RBFOX1: variants seen among roughly 807,000 people sequenced by gnomAD.
The protein encoded by RBFOX1 is RNA binding protein fox-1 homolog 1.
A neutral mutation model predicts 57.7 loss-of-function variants in RBFOX1; 8 were observed. That is an observed-to-expected ratio of 0.14 (90% CI 0.08 to 0.25). The LOEUF is 0.25. RBFOX1 is among the 10% of genes least tolerant of loss of function. RBFOX1 has a pLI of 1.00. For synonymous variants in RBFOX1, 326 were observed against 222.4 expected (o/e 1.47, Z -4.15); for missense variants, 611 against 548.5 (o/e 1.11, Z -1.14).
chr16:7,170,836 C>G (rs776955116), intron 4 of RBFOX1, among the ~76,000 whole-genome samples: 2 of 152,168 alleles, frequency 1.3e-5, no homozygotes, highest in Admixed American at 6.5e-5. Flanking sequence ...CAGGAGATCC[C>G]TTGCCCTTAA....
At chr16:5,299,250 G>A (rs2063748566) in intron 1 of RBFOX1, among the ~76,000 whole-genome samples, 2 of 151,762 alleles carry the variant, frequency 1.3e-5, no homozygotes, top group African/African-American at 4.8e-5. Context: ...TCCATACTGT[G>A]TATATCAGTG....
chr16:7,540,857 C>T (rs1374663196), intron 5 of RBFOX1, among the ~76,000 whole-genome samples: 1 of 152,158 alleles, frequency 6.6e-6, no homozygotes, highest in South Asian at 2.1e-4. Context: ...TTATCACTTT[C>T]CTTAAACCCT....
intron 3 of RBFOX1, among the ~76,000 whole-genome samples, chr16:6,800,755 G>A (rs1035554110): frequency 3.9e-5 from 6 of 152,050 alleles, no homozygotes; most frequent in Non-Finnish European, 7.4e-5. Context: ...CAAAGTAAGG[G>A]TCTCTAGAAA....
chr16:7,126,551 A>C (rs940290168), intron 4 of RBFOX1: 4 of 215,892 alleles, frequency 1.9e-5, no homozygotes, highest in Admixed American at 4.3e-5. Flanking sequence ...GTCTTTGGGC[A>C]CGCGCTGGGC....
rs551469323 is a variant in RBFOX1 at position 6,908,432 on chromosome 16, C to T, written c.-15-143625C>T. Among the ~76,000 whole-genome samples, 9 of 146,266 alleles carry T rather than the reference C, an allele frequency of 6.2e-5. No homozygotes were observed. In the South Asian group the frequency reaches 8.4e-4, roughly 14 times the overall value. On this transcript the variant is annotated intron_variant, in intron 3 of 15. Coordinates refer to ENST00000550418, the MANE Select transcript of RBFOX1 (RefSeq NM_018723.4). Reference sequence around the variant, plus strand: ...GAACCTTTGACTTTTCCACTGATACCTCTGGCCTCTGGTGTGACCTCTTCT... The same window carrying T: ...GAACCTTTGACTTTTCCACTGATACTTCTGGCCTCTGGTGTGACCTCTTCT...
Position 5,366,855 on chromosome 16 carries a change from G to A in RBFOX1, c.220-100361G>A, listed in dbSNP as rs2065731313. Among the ~76,000 whole-genome samples, 3 of 152,164 alleles carry A rather than the reference G, an allele frequency of 2.0e-5. No homozygotes were observed. The South Asian group carries it at 6.2e-4, about 32-fold the overall frequency. ...CAAGAATGTGTTGTCCAAAATGCCT[G>A]TTTAGTTTTTAAAGATGGAGCTTCA... On this transcript the variant is annotated intron_variant, in intron 1 of 2. Coordinates refer to the RBFOX1 transcript ENST00000585867.
intron 3 of RBFOX1, among the ~76,000 whole-genome samples, chr16:6,964,871 G>A (rs1264401864): frequency 2.0e-5 from 3 of 152,116 alleles, no homozygotes; most frequent in African/African-American, 7.2e-5. Context: ...GTGTGACCCT[G>A]GGCAAGTCAC....
intron 14 of RBFOX1, among the ~76,000 whole-genome samples, chr16:7,688,430 A>G (rs1486059912): frequency 6.6e-6 from 1 of 152,074 alleles, no homozygotes; most frequent in Non-Finnish European, 1.5e-5. Context: ...ACTTAAAGAC[A>G]GTATTATTTG....
At chr16:6,971,148 T>TA (rs1396282156) in intron 3 of RBFOX1, among the ~76,000 whole-genome samples, 1 of 152,190 alleles carries the variant, frequency 6.6e-6, no homozygotes, top group African/African-American at 2.4e-5. Flanking sequence ...GTGGGTCTAC[T>TA]AATACATAGG....
chr16:6,521,317 A>G (rs761094531), intron 2 of RBFOX1, among the ~76,000 whole-genome samples: 12 of 152,104 alleles, frequency 7.9e-5, no homozygotes, highest in Non-Finnish European at 1.5e-4. Flanking sequence ...GAAGCCCAAG[A>G]CATCCCTGTC....
At chr16:6,358,393 G>A (rs967516735) in intron 2 of RBFOX1, among the ~76,000 whole-genome samples, 2 of 152,098 alleles carry the variant, frequency 1.3e-5, no homozygotes, top group African/African-American at 4.8e-5. Flanking sequence ...CCATTGTCAG[G>A]CCTTGTCTCA....
chr16:7,633,843 C>A (rs2061354495), intron 11 of RBFOX1, among the ~76,000 whole-genome samples: 1 of 152,274 alleles, frequency 6.6e-6, no homozygotes, highest in East Asian at 1.9e-4. Flanking sequence ...TCTTTTATGG[C>A]TTTTTGGTCT....
At chr16:6,965,485 C>T (rs112600124) in intron 3 of RBFOX1, among the ~76,000 whole-genome samples, 8 of 151,988 alleles carry the variant, frequency 5.3e-5, no homozygotes, top group South Asian at 2.1e-4. Flanking sequence ...TACAGGCGTG[C>T]GCCACCATGC....
chr16:6,571,702 G>A (rs954308372), intron 2 of RBFOX1, among the ~76,000 whole-genome samples: 5 of 152,094 alleles, frequency 3.3e-5, no homozygotes, highest in Admixed American at 3.3e-4. Context: ...AGAGCAAAAG[G>A]ATCAGTCAGG....
intron 3 of RBFOX1, among the ~76,000 whole-genome samples, chr16:6,657,520 C>T (rs945404221): frequency 6.6e-6 from 1 of 152,066 alleles, no homozygotes; most frequent in Non-Finnish European, 1.5e-5. Context: ...AGAGTGATTG[C>T]CGTCAGGTTC....
At chr16:5,813,331 C>G (rs934986165) in intron 3 of RBFOX1, among the ~76,000 whole-genome samples, 2 of 152,150 alleles carry the variant, frequency 1.3e-5, no homozygotes, top group South Asian at 4.1e-4. Context: ...ATTGTACAAC[C>G]ATTATGGTTC....
chr16:6,019,695 G>A lies in RBFOX1; in HGVS notation c.-424G>A. 7.5e-7 allele frequency: 1 copy of A among 1,341,748 alleles called. No homozygotes were observed. The highest frequency in any genetic ancestry group is 9.6e-7 in the Non-Finnish European group (1 of 1,046,658). The allele number at this position is 1,341,748 out of a possible 1,614,324, so 83.1% of individuals were successfully genotyped here. On this transcript the variant is annotated 5_prime_UTR_variant, in exon 1 of 16. Coordinates refer to ENST00000550418, the MANE Select transcript of RBFOX1 (RefSeq NM_018723.4). This position sits in a 1 kb window ranked among gnomAD's most constrained non-coding sequence, Gnocchi z 4.2. ...GGAGCAGGAGAACTCCGAGCTTCTT[G>A]CCCAGGCAGAGAGAGCAGGAGCGGA... is the stretch of plus-strand genomic sequence containing the variant.
chr16:7,141,623 A>G (rs1301626861), intron 4 of RBFOX1, among the ~76,000 whole-genome samples: 1 of 152,134 alleles, frequency 6.6e-6, no homozygotes, highest in Non-Finnish European at 1.5e-5. Context: ...TTAACATATT[A>G]ATGCCATTTG....
chr16:6,914,086 C>A (rs1327739241), intron 3 of RBFOX1, among the ~76,000 whole-genome samples: 1 of 152,184 alleles, frequency 6.6e-6, no homozygotes, highest in African/African-American at 2.4e-5. Flanking sequence ...TATGTCTAAT[C>A]TATCCAGTGC....
Sources: gnomAD v4.1 joint callset for allele counts (sites outside exome capture counted in the v4.1 genomes callset) on GRCh38, gnomAD v4.1.1 for gene constraint, Gnocchi (gnomAD v3.1) non-coding constraint, MANE v1.5 for transcripts, NCBI Gene and HGNC (gene_info 2026-07-23, HGNC 2026-07-21) for gene names.